The following ATXN1 variants were observed in gnomAD, a reference collection of about 807,000 sequenced individuals.
ATXN1 encodes ataxin-1.
In ATXN1, 8 loss-of-function variants were observed where a neutral mutation model predicts 56.4. The observed-to-expected ratio is 0.14, with a 90% CI of 0.08 to 0.26. The LOEUF (loss-of-function observed/expected upper bound fraction) is 0.26. Among genes scored for constraint, ATXN1 ranks in the 10% least tolerant of loss-of-function variants. ATXN1 has a pLI of 1.00. For missense variants in ATXN1, 987 were observed against 1,106.5 expected (o/e 0.89, Z 1.53); for synonymous variants, 514 against 494.6 (o/e 1.04, Z -0.52).
At chr6:16,586,527 C>A (rs544897324) in intron 3 of ATXN1, among the ~76,000 whole-genome samples, 1 of 152,292 alleles carries the variant, frequency 6.6e-6, no homozygotes, top group Non-Finnish European at 1.5e-5. Context: ...CACATTGCCC[C>A]ACTCCACTGC....
chr6:16,322,145 G>C (rs2113400238), intron 7 of ATXN1, among the ~76,000 whole-genome samples: 1 of 152,270 alleles, frequency 6.6e-6, no homozygotes, highest in East Asian at 1.9e-4. Flanking sequence ...GATCAATTGA[G>C]TCCAGGAGGT....
At chr6:16,353,496 A>C (rs1240896710) in intron 6 of ATXN1, among the ~76,000 whole-genome samples, 1 of 152,032 alleles carries the variant, frequency 6.6e-6, no homozygotes, top group Non-Finnish European at 1.5e-5. Flanking sequence ...AACATGCCAA[A>C]ACCCCCGTCT....
Position 16,760,883 on chromosome 6 carries a change from A to G in ATXN1, c.-730+415T>C, listed in dbSNP as rs1412758201. Among the ~76,000 whole-genome samples, 2 of 146,384 alleles carry G rather than the reference A, an allele frequency of 1.4e-5. No homozygotes were observed. The highest frequency in any genetic ancestry group is 2.5e-5 in the African/African-American group (1 of 39,916). Reference sequence around the variant, plus strand: ...GGCTCTCCGCACTTGCGACCGGACCAGCAGCCGGGGGAGCGGGGCGCCGCC... The same window carrying G: ...GGCTCTCCGCACTTGCGACCGGACCGGCAGCCGGGGGAGCGGGGCGCCGCC... On this transcript the variant is annotated intron_variant, in intron 1 of 7. Coordinates refer to ENST00000436367, the MANE Select transcript of ATXN1 (RefSeq NM_001128164.2). This position sits in a 1 kb window ranked among gnomAD's most constrained non-coding sequence, Gnocchi z 5.3.
At chr6:16,440,654 A>AAAGG (rs1759499003) in intron 6 of ATXN1, among the ~76,000 whole-genome samples, 1 of 147,278 alleles carries the variant, frequency 6.8e-6, no homozygotes. Context: ...AAAAAAAAAG[A>AAAGG]AAAGAAAAGA....
intron 4 of ATXN1, among the ~76,000 whole-genome samples, chr6:16,556,004 T>C (rs1030936843): frequency 1.1e-4 from 16 of 152,262 alleles, no homozygotes; most frequent in Admixed American, 9.2e-4. Context: ...TTTTCTTTAA[T>C]GGCACCATCA....
intron 5 of ATXN1, among the ~76,000 whole-genome samples, chr6:16,505,693 T>A (rs1483375286): frequency 1.3e-5 from 2 of 152,194 alleles, no homozygotes; most frequent in Non-Finnish European, 2.9e-5. Context: ...GTACCATCAC[T>A]GACCCGTGTA....
intron 3 of ATXN1, among the ~76,000 whole-genome samples, chr6:16,642,348 T>C (rs1445225478): frequency 6.6e-6 from 1 of 152,144 alleles, no homozygotes; most frequent in Non-Finnish European, 1.5e-5. Context: ...TGAGCCGAGA[T>C]CGCGCCACTG....
chr6:16,674,694 C>A (rs1758623439), intron 2 of ATXN1, among the ~76,000 whole-genome samples: 1 of 151,938 alleles, frequency 6.6e-6, no homozygotes. Context: ...AACTTTATTA[C>A]CTAGATTTCA....
At chr6:16,601,001 G>C in intron 3 of ATXN1, among the ~76,000 whole-genome samples, 1 of 152,166 alleles carries the variant, frequency 6.6e-6, no homozygotes, top group Admixed American at 6.5e-5. Context: ...ATGTTATCTA[G>C]GCTAGGGGAG....
At chr6:16,465,327 G>A (rs542186753) in intron 6 of ATXN1, among the ~76,000 whole-genome samples, 1 of 152,272 alleles carries the variant, frequency 6.6e-6, no homozygotes, top group East Asian at 1.9e-4. Flanking sequence ...CATGGTGGCA[G>A]GTGTCTGTAG....
intron 6 of ATXN1, among the ~76,000 whole-genome samples, chr6:16,412,972 T>C (rs1758829027): frequency 1.3e-5 from 2 of 152,236 alleles, no homozygotes; most frequent in Non-Finnish European, 2.9e-5. Flanking sequence ...GCAAGAAGTA[T>C]GGTCTCTGTC....
At chr6:16,477,515 G>A (rs1185707621) in intron 6 of ATXN1, among the ~76,000 whole-genome samples, 1 of 152,194 alleles carries the variant, frequency 6.6e-6, no homozygotes, top group African/African-American at 2.4e-5. Context: ...AGCTCAGTAA[G>A]AAGGCTCTCG....
intron 4 of ATXN1, among the ~76,000 whole-genome samples, chr6:16,526,064 T>TATATATATATACAC (rs370698828): frequency 0.065 from 8,645 of 132,660 alleles, 370 homozygotes; most frequent in South Asian, 0.1. Flanking sequence ...TATATATATA[T>TATATATATATACAC]ACATACATAC....
At chr6:16,356,681 G>T (rs1002878699) in intron 6 of ATXN1, among the ~76,000 whole-genome samples, 1 of 152,014 alleles carries the variant, frequency 6.6e-6, no homozygotes, top group African/African-American at 2.4e-5. Flanking sequence ...GAAATTCTTT[G>T]GGGGAAAAGC....
At chr6:16,541,929 C>T (rs1761722995) in intron 4 of ATXN1, among the ~76,000 whole-genome samples, 1 of 152,160 alleles carries the variant, frequency 6.6e-6, no homozygotes, top group Non-Finnish European at 1.5e-5. Context: ...ACAATGTGAA[C>T]TACAGAAGTA....
intron 3 of ATXN1, among the ~76,000 whole-genome samples, chr6:16,643,426 T>C (rs1436829934): frequency 6.6e-6 from 1 of 151,868 alleles, no homozygotes; most frequent in Non-Finnish European, 1.5e-5. Flanking sequence ...CCCAGGAGTT[T>C]AAGACAAGCC....
chr6:16,679,272 GTGGGTGGA>G (rs1758754364), intron 2 of ATXN1, among the ~76,000 whole-genome samples: 1 of 128,108 alleles, frequency 7.8e-6, no homozygotes, highest in East Asian at 2.8e-4. Context: ...GGATGAGTTA[GTGGGTGGA>G]TGGATGGATG....
At chr6:16,491,079 C>G (rs1002070615) in intron 5 of ATXN1, among the ~76,000 whole-genome samples, 1 of 143,348 alleles carries the variant, frequency 7.0e-6, no homozygotes, top group Non-Finnish European at 1.5e-5. Flanking sequence ...AGAAGTTAGA[C>G]GGATCCCTGG....
intron 3 of ATXN1, among the ~76,000 whole-genome samples, chr6:16,609,844 TGAA>T (rs1327466906): frequency 1.3e-5 from 2 of 152,042 alleles, no homozygotes; most frequent in Non-Finnish European, 2.9e-5. Context: ...TTTGCACCTT[TGAA>T]GAAGGAGGAG....
Sources: allele counts gnomAD v4.1 joint callset (sites outside exome capture counted in the v4.1 genomes callset), GRCh38; gene constraint gnomAD v4.1.1; non-coding constraint Gnocchi (gnomAD v3.1); transcripts MANE v1.5; gene names NCBI Gene and HGNC (gene_info 2026-07-23, HGNC 2026-07-21).